Variants in GNG7 observed in about 807,000 individuals in gnomAD.
The protein encoded by GNG7 is G protein subunit gamma 7, also known as guanine nucleotide-binding protein G(I)/G(S)/G(O) subunit gamma-7.
GNG7 carries 1 observed loss-of-function variant against 4.0 expected under a neutral mutation model. That is an observed-to-expected ratio of 0.25 (90% CI 0.09 to 1.18). The LOEUF is 1.18. Ranked by LOEUF, GNG7 falls within the 50% of genes most tolerant of loss-of-function variation. The pLI, the probability that GNG7 is intolerant of heterozygous loss-of-function variation, is 0.50. For synonymous variants in GNG7, 34 were observed against 36.9 expected (o/e 0.92, Z 0.29); for missense variants, 86 against 91.9 (o/e 0.94, Z 0.26).
chr19:2,528,439 C>T (rs1978482291), intron 3 of GNG7, among the ~76,000 whole-genome samples: 1 of 150,050 alleles, frequency 6.7e-6, no homozygotes, highest in Admixed American at 6.6e-5. Context: ...AAAAATTAGC[C>T]GGGCATGGCG....
intron 1 of GNG7, among the ~76,000 whole-genome samples, chr19:2,673,284 A>C (rs1983511185): frequency 6.7e-6 from 1 of 149,000 alleles, no homozygotes; most frequent in Non-Finnish European, 1.5e-5. Context: ...AAAACAAAAC[A>C]AAACAAAAAA....
At chr19:2,572,419 G>A (rs961955606) in intron 2 of GNG7, among the ~76,000 whole-genome samples, 2 of 151,740 alleles carry the variant, frequency 1.3e-5, no homozygotes, top group Non-Finnish European at 1.5e-5. Flanking sequence ...TCAACACTAC[G>A]TAGTTCCAAC....
intron 2 of GNG7, among the ~76,000 whole-genome samples, chr19:2,624,817 G>C (rs1487889187): frequency 6.6e-6 from 1 of 152,228 alleles, no homozygotes; most frequent in Non-Finnish European, 1.5e-5. Flanking sequence ...ACAGGGGCCC[G>C]AGCCCCTCCA....
intron 2 of GNG7, among the ~76,000 whole-genome samples, chr19:2,567,598 T>C (rs1293320804): frequency 6.6e-6 from 1 of 152,234 alleles, no homozygotes; most frequent in South Asian, 2.1e-4. Flanking sequence ...AGTGCTGGGA[T>C]TGCAAGCGTG....
chr19:2,686,678 C>T (rs1466197134), intron 1 of GNG7, among the ~76,000 whole-genome samples: 5 of 152,110 alleles, frequency 3.3e-5, no homozygotes, highest in African/African-American at 1.2e-4. Flanking sequence ...GAGTTTCCAA[C>T]ACCCTGAAAC....
At chr19:2,647,284 G>A (rs959330910) in intron 1 of GNG7, among the ~76,000 whole-genome samples, 2 of 152,200 alleles carry the variant, frequency 1.3e-5, no homozygotes, top group African/African-American at 2.4e-5. Flanking sequence ...TGGGAGCCTC[G>A]CTGGTGACAG....
rs185253667 is a variant in GNG7 at position 2,690,281 on chromosome 19, C to G, written c.-135+12365G>C. Among the ~76,000 whole-genome samples, 262 of 152,128 alleles carry G rather than the reference C, an allele frequency of 1.7e-3. 1 individual carries two copies. Among genetic ancestry groups the G allele is most frequent in the African/African-American group, 6.0e-3 (247 of 41,490 alleles). ...CTTGTAATCCCAGCTACCCGGGAGG[C>G]TGAGGCAGGAGAATGGCCTGAACCG... On this transcript the variant is annotated intron_variant, in intron 1 of 4. Transcript: ENST00000382159.
In GNG7 at chr19:2,653,792, G is replaced by A. The variant is rs1982891272; in HGVS notation, c.-134-7512C>T. On this transcript the variant is annotated intron_variant, in intron 1 of 4. Transcript: ENST00000382159. This position sits in a 1 kb window ranked among gnomAD's most constrained non-coding sequence, Gnocchi z 4.8. Reference sequence around the variant, plus strand: ...TCAGATGGTGCCCTTGAGGCCCAGGGCCCGTGTCCCCTCCTCACTCAGCCC... The same window carrying A: ...TCAGATGGTGCCCTTGAGGCCCAGGACCCGTGTCCCCTCCTCACTCAGCCC... 1.3e-5 allele frequency among the ~76,000 whole-genome samples: 2 copies of A among 152,202 alleles called. No individual in the cohort carries two copies. Among genetic ancestry groups the A allele is most frequent in the Non-Finnish European group, 2.9e-5 (2 of 68,038 alleles).
At chr19:2,523,952 C>T (rs1175195736) in intron 3 of GNG7, among the ~76,000 whole-genome samples, 1 of 152,138 alleles carries the variant, frequency 6.6e-6, no homozygotes, top group African/African-American at 2.4e-5. Context: ...CACGTGTGGC[C>T]GCTCAGAGGG....
intron 3 of GNG7, among the ~76,000 whole-genome samples, chr19:2,547,017 A>C (rs6510683): frequency 0.12 from 18,872 of 151,622 alleles, 1,299 homozygotes; most frequent in African/African-American, 0.18. Context: ...TAGGAAGAGA[A>C]CAGAGGGCAG....
intron 2 of GNG7, among the ~76,000 whole-genome samples, chr19:2,569,823 GT>G (rs1980092153): frequency 6.6e-6 from 1 of 152,006 alleles, no homozygotes; most frequent in Non-Finnish European, 1.5e-5. Flanking sequence ...AACCACAAAC[GT>G]CACCAGACAT....
At position 2,633,907 on chromosome 19, in the gene GNG7, G is replaced by T. The variant is rs1982237717; in HGVS notation, c.-78+12317C>A. 6.6e-6 allele frequency among the ~76,000 whole-genome samples: 1 copy of T among 151,428 alleles called. No homozygotes were observed. On this transcript the variant is annotated intron_variant, in intron 2 of 4. Coordinates refer to ENST00000382159, the MANE Select transcript of GNG7 (RefSeq NM_052847.3). This position sits in a 1 kb window ranked among gnomAD's most constrained non-coding sequence, Gnocchi z 5.9. Reference sequence around the variant, plus strand: ...TGGCACCCCTGACCTCCACCCCATGGCATCCACCAATCGAGGCAGCCACAA... The same window carrying T: ...TGGCACCCCTGACCTCCACCCCATGTCATCCACCAATCGAGGCAGCCACAA...
At chr19:2,568,986 TACACATATTTACAC>T (rs1568247473) in intron 2 of GNG7, among the ~76,000 whole-genome samples, 6 of 150,780 alleles carry the variant, frequency 4.0e-5, no homozygotes, top group Non-Finnish European at 8.9e-5. Context: ...AACATACACA[TACACATATTTACAC>T]ACATATACAC....
intron 2 of GNG7, among the ~76,000 whole-genome samples, chr19:2,598,106 C>A (rs966146835): frequency 2.0e-5 from 3 of 152,072 alleles, no homozygotes; most frequent in Admixed American, 2.0e-4. Flanking sequence ...GCTCTCCACT[C>A]GGCTCTGTCC....
intron 1 of GNG7, among the ~76,000 whole-genome samples, chr19:2,686,189 A>G (rs1983865925): frequency 6.8e-6 from 1 of 147,898 alleles, no homozygotes; most frequent in Non-Finnish European, 1.5e-5. Flanking sequence ...ACAGAGTCTC[A>G]CGCTGTCGCC....
intron 1 of GNG7, among the ~76,000 whole-genome samples, chr19:2,694,723 G>A (rs1280747710): frequency 6.6e-6 from 1 of 151,988 alleles, no homozygotes; most frequent in East Asian, 1.9e-4. Context: ...AGAGGATCAT[G>A]GGACGCGGAG....
intron 2 of GNG7, among the ~76,000 whole-genome samples, chr19:2,559,926 G>A (rs1197644897): frequency 6.6e-6 from 1 of 152,118 alleles, no homozygotes; most frequent in Admixed American, 6.5e-5. Context: ...ACGAGGCCCT[G>A]AGGGACACGA....
At chr19:2,621,477 C>G (rs981278378) in intron 2 of GNG7, among the ~76,000 whole-genome samples, 3 of 152,026 alleles carry the variant, frequency 2.0e-5, no homozygotes, top group Non-Finnish European at 4.4e-5. Context: ...GTGGGCAGAT[C>G]ACCTGAGATA....
chr19:2,670,930 T>G lies in GNG7; in HGVS notation c.-134-24650A>C, dbSNP rs950937010. Among the ~76,000 whole-genome samples, 5 of 152,014 alleles carry G rather than the reference T, an allele frequency of 3.3e-5. 1 individual carries two copies. Among genetic ancestry groups the G allele is most frequent in the African/African-American group, 4.8e-5 (2 of 41,390 alleles). Reference sequence around the variant, plus strand: ...TGCTGAGGTCCCAGGAGGCTGCACATATTGATATCCCCACCCTGAGTGGGG... The same window carrying G: ...TGCTGAGGTCCCAGGAGGCTGCACAGATTGATATCCCCACCCTGAGTGGGG... On this transcript the variant is annotated intron_variant, in intron 1 of 4. Coordinates refer to ENST00000382159, the MANE Select transcript of GNG7 (RefSeq NM_052847.3).
Sources: gnomAD v4.1 joint callset for allele counts (sites outside exome capture counted in the v4.1 genomes callset) on GRCh38, gnomAD v4.1.1 for gene constraint, Gnocchi (gnomAD v3.1) non-coding constraint, MANE v1.5 for transcripts, NCBI Gene and HGNC (gene_info 2026-07-23, HGNC 2026-07-21) for gene names.